PTPRN2: variants seen among roughly 807,000 people sequenced by gnomAD.
The protein encoded by PTPRN2 is receptor-type tyrosine-protein phosphatase N2.
PTPRN2 carries 74 observed loss-of-function variants against 118.8 expected under a neutral mutation model. That is an observed-to-expected ratio of 0.62 (90% confidence interval 0.52 to 0.76). The LOEUF is 0.76. Ranked by LOEUF, PTPRN2 falls within the 30% of genes least tolerant of loss-of-function variation. The pLI, the probability that PTPRN2 is intolerant of heterozygous loss-of-function variation, is 0.00. For missense variants in PTPRN2, 1,481 were observed against 1,394.4 expected, an observed-to-expected ratio of 1.06 and a Z score of -0.99; for synonymous variants, 641 against 608.0, an observed-to-expected ratio of 1.05 and a Z score of -0.80.
At chr7:158,534,160 ACACCC>A (rs1825475472) in intron 1 of PTPRN2, among the ~76,000 whole-genome samples, 4 of 92,968 alleles carry the variant, frequency 4.3e-5, no homozygotes, top group Admixed American at 1.2e-4. Flanking sequence ...GTGACCACCC[ACACCC>A]CGGGCTCCGT....
chr7:158,147,379 C>T (rs1291908878), intron 6 of PTPRN2, among the ~76,000 whole-genome samples: 22 of 58,534 alleles, frequency 3.8e-4, no homozygotes, highest in Admixed American at 8.2e-4. Flanking sequence ...TCAATGACAC[C>T]CCATCTCACG....
chr7:158,481,427 T>C (rs1216759624), intron 2 of PTPRN2, among the ~76,000 whole-genome samples: 2 of 152,250 alleles, frequency 1.3e-5, no homozygotes, highest in Non-Finnish European at 2.9e-5. Context: ...TCGTCCATTC[T>C]GCAGCCCAGG....
intron 3 of PTPRN2, among the ~76,000 whole-genome samples, chr7:158,233,548 G>A (rs1484931616): frequency 6.6e-6 from 1 of 152,042 alleles, no homozygotes; most frequent in Non-Finnish European, 1.5e-5. Flanking sequence ...GCTTGTTCAG[G>A]GTGGGCATGG....
At chr7:158,341,306 T>G (rs1412416990) in intron 2 of PTPRN2, among the ~76,000 whole-genome samples, 13 of 149,496 alleles carry the variant, frequency 8.7e-5, no homozygotes, top group African/African-American at 3.2e-4. Flanking sequence ...CCCATAGACG[T>G]CACTCACACC....
At position 158,504,770 on chromosome 7, in the gene PTPRN2, G is replaced by C. The variant is rs553694850; in HGVS notation, c.113-14985C>G. ...TATTTCTACACATGCACATCATCTAGCTAACCAATTCCCTCTTGAAGAAAC... is the reference window on the plus strand; with the variant it reads ...TATTTCTACACATGCACATCATCTACCTAACCAATTCCCTCTTGAAGAAAC... On this transcript the variant is annotated intron_variant, in intron 1 of 22. Coordinates refer to ENST00000389418, the MANE Select transcript of PTPRN2 (RefSeq NM_002847.5). Among the ~76,000 whole-genome samples the C allele has an allele frequency of 5.3e-5, 8 of 152,238 alleles. No individual in the cohort carries two copies. The East Asian group carries it at 1.5e-3, about 29-fold the overall frequency.
At chr7:158,171,306 CACATATATATATAT>C (rs1823646651) in intron 5 of PTPRN2, among the ~76,000 whole-genome samples, 1 of 33,426 alleles carries the variant, frequency 3.0e-5, no homozygotes, top group Non-Finnish European at 5.6e-5. Flanking sequence ...TATATATACA[CACATATATATATAT>C]ATATATATAT....
intron 10 of PTPRN2, among the ~76,000 whole-genome samples, chr7:158,084,570 T>C (rs1308780952): frequency 6.6e-6 from 1 of 152,012 alleles, no homozygotes; most frequent in Non-Finnish European, 1.5e-5. Context: ...CAGAGTCTCT[T>C]AGGAGCAAGT....
intron 5 of PTPRN2, among the ~76,000 whole-genome samples, chr7:158,167,882 C>T (rs1823174775): frequency 6.6e-6 from 1 of 152,210 alleles, no homozygotes; most frequent in African/African-American, 2.4e-5. Flanking sequence ...CATGTATATC[C>T]CACATTTTAA....
rs142607508 is a variant in PTPRN2, at chr7:158,486,177, C to T, written c.163+3558G>A. On this transcript the variant is annotated intron_variant, in intron 2 of 22. Coordinates refer to ENST00000389418, the MANE Select transcript of PTPRN2 (RefSeq NM_002847.5). ...TCTCACACATCAGATTGCCGGGTCACGGGCCACCTCCCTTATGTGGCGTGA... is the reference window on the plus strand; with the variant it reads ...TCTCACACATCAGATTGCCGGGTCATGGGCCACCTCCCTTATGTGGCGTGA... 3.3e-4 allele frequency among the ~76,000 whole-genome samples: 50 copies of T among 152,346 alleles called. No individual in the cohort carries two copies. In the Middle Eastern group the frequency reaches 0.01, roughly 31 times the overall value.
intron 2 of PTPRN2, among the ~76,000 whole-genome samples, chr7:158,361,597 C>G (rs1808972399): frequency 6.6e-6 from 1 of 152,242 alleles, no homozygotes; most frequent in Admixed American, 6.5e-5. Flanking sequence ...CCAGAGAGAG[C>G]TGAGCCACAG....
intron 5 of PTPRN2, among the ~76,000 whole-genome samples, chr7:158,179,833 G>A (rs1381016076): frequency 6.6e-6 from 1 of 152,180 alleles, no homozygotes; most frequent in East Asian, 1.9e-4. Context: ...ACACCAAGGA[G>A]TAACTGCCCC....
chr7:158,047,538 CGAGGGCTACCTGCAGTCACTGAGTGTGT>C (rs1563359436), intron 11 of PTPRN2, among the ~76,000 whole-genome samples: 1 of 151,486 alleles, frequency 6.6e-6, no homozygotes, highest in African/African-American at 2.4e-5. Context: ...ACTGAGGGTG[CGAGGGCTACCTGCAGTCACTGAGTGTGT>C]GAGGCCTGCC....
rs1007037563 is a variant in PTPRN2, at chr7:157,779,634, G to A, written c.1789-96697C>T. Among the ~76,000 whole-genome samples the A allele has an allele frequency of 2.6e-5, 4 of 152,154 alleles. No individual in the cohort carries two copies. The highest frequency in any genetic ancestry group is 6.5e-5 in the Admixed American group (1 of 15,286). On this transcript the variant is annotated intron_variant, in intron 12 of 22. Coordinates refer to ENST00000389418, the MANE Select transcript of PTPRN2 (RefSeq NM_002847.5). This position sits in a 1 kb window ranked among gnomAD's most constrained non-coding sequence, Gnocchi z 4.7. Reference sequence around the variant, plus strand: ...TTCTCACCCTGCTGCAGGAGTCTCCGAAGCACAAAGGCTGACCCTAGACTC... The same window carrying A: ...TTCTCACCCTGCTGCAGGAGTCTCCAAAGCACAAAGGCTGACCCTAGACTC...
At chr7:158,429,246 C>T (rs1486889173) in intron 2 of PTPRN2, among the ~76,000 whole-genome samples, 1 of 152,218 alleles carries the variant, frequency 6.6e-6, no homozygotes, top group Non-Finnish European at 1.5e-5. Flanking sequence ...TGAGACCTCT[C>T]TCCACAGCAG....
intron 2 of PTPRN2, among the ~76,000 whole-genome samples, chr7:158,353,973 T>A (rs1808196651): frequency 6.6e-6 from 1 of 152,178 alleles, no homozygotes; most frequent in Admixed American, 6.5e-5. Context: ...GCTCTGCAAC[T>A]CGGCCAAAGG....
rs545219304 is a variant in PTPRN2 at position 158,502,755 on chromosome 7, C to T, written c.113-12970G>A. Among the ~76,000 whole-genome samples the T allele has an allele frequency of 1.5e-3, 227 of 152,346 alleles. 1 individual carries two copies. The highest frequency in any genetic ancestry group is 5.0e-3 in the African/African-American group (207 of 41,566). ...AATTCACGCTGAGCCACTTTTCCCT[C>T]ACCCCCAGCCACTGTGTCCATCAAC... On this transcript the variant is annotated intron_variant, in intron 1 of 22. Transcript: ENST00000389418.
At chr7:158,149,640 C>T (rs1017855706) in intron 6 of PTPRN2, among the ~76,000 whole-genome samples, 10 of 151,948 alleles carry the variant, frequency 6.6e-5, no homozygotes, top group Non-Finnish European at 1.3e-4. Context: ...CCCATCTCTA[C>T]TAAAAATACA....
chr7:158,234,911 T>C (rs938098194), intron 3 of PTPRN2, among the ~76,000 whole-genome samples: 5 of 152,014 alleles, frequency 3.3e-5, no homozygotes, highest in African/African-American at 1.2e-4. Flanking sequence ...TACAGGCACC[T>C]GCCACCACAC....
At chr7:158,576,819 A>C (rs1352482170) in intron 1 of PTPRN2, among the ~76,000 whole-genome samples, 4 of 107,076 alleles carry the variant, frequency 3.7e-5, no homozygotes, top group South Asian at 6.7e-4. Context: ...TGATGCCACA[A>C]ACAACATGGG....
Sources: allele counts gnomAD v4.1 joint callset (sites outside exome capture counted in the v4.1 genomes callset), GRCh38; gene constraint gnomAD v4.1.1; non-coding constraint Gnocchi (gnomAD v3.1); transcripts MANE v1.5; gene names NCBI Gene and HGNC (gene_info 2026-07-23, HGNC 2026-07-21).